RBFOX1: variants seen among roughly 807,000 people sequenced by gnomAD.
RBFOX1 encodes RNA binding fox-1 homolog 1, also known as RNA binding protein fox-1 homolog 1.
Under a neutral mutation model 57.7 loss-of-function variants are expected in RBFOX1, and 8 were observed. The observed-to-expected ratio is 0.14, with a 90% confidence interval of 0.08 to 0.25. The LOEUF (loss-of-function observed/expected upper bound fraction) is 0.25, where lower values mean the gene tolerates loss of function less well. RBFOX1 is among the 10% of genes least tolerant of loss of function. RBFOX1 has a pLI of 1.00. For missense variants in RBFOX1, 611 were observed against 548.5 expected (o/e 1.11, Z -1.14); for synonymous variants, 326 against 222.4 (o/e 1.47, Z -4.15).
At chr16:7,348,555 A>G (rs17143479) in intron 4 of RBFOX1, among the ~76,000 whole-genome samples, 29,695 of 152,230 alleles carry the variant, frequency 0.2, 3,103 homozygotes, top group African/African-American at 0.25. Context: ...CTAAGTAAAT[A>G]GATCACCAAA....
At chr16:6,064,119 C>G (rs1048219418) in intron 1 of RBFOX1, among the ~76,000 whole-genome samples, 1 of 152,120 alleles carries the variant, frequency 6.6e-6, no homozygotes, top group Non-Finnish European at 1.5e-5. Context: ...TAATAACAAG[C>G]TCCTTACTAC....
chr16:6,379,570 G>A (rs1390703089), intron 2 of RBFOX1, among the ~76,000 whole-genome samples: 1 of 151,976 alleles, frequency 6.6e-6, no homozygotes, highest in Non-Finnish European at 1.5e-5. Flanking sequence ...GGTAGTGTTG[G>A]GTAATGTATG....
chr16:5,270,227 G>T (rs1158938493), intron 1 of RBFOX1: 4 of 515,606 alleles, frequency 7.8e-6, no homozygotes, highest in Non-Finnish European at 1.4e-5. Flanking sequence ...AGGGAGTTAA[G>T]AAGAAAATAC....
chr16:6,402,102 A>C (rs200212476), intron 2 of RBFOX1, among the ~76,000 whole-genome samples: 1 of 152,070 alleles, frequency 6.6e-6, no homozygotes, highest in East Asian at 1.9e-4. Flanking sequence ...CAGAAAAAAA[A>C]AAAAAAGCAT....
At position 5,563,618 on chromosome 16, in the gene RBFOX1, C is replaced by G. The variant is rs578018172; in HGVS notation, c.259-35284C>G. On this transcript the variant is annotated intron_variant, in intron 2 of 2. Coordinates refer to the RBFOX1 transcript ENST00000585867. ...CTTGATTCTTTCAATAAGTAGTTGA[C>G]CAGCCCTGAAATCCTGCCTTATAAT... Among the ~76,000 whole-genome samples the G allele has an allele frequency of 2.6e-5, 4 of 152,250 alleles. No individual in the cohort carries two copies. In the South Asian group the frequency reaches 8.3e-4, roughly 32 times the overall value.
intron 4 of RBFOX1, among the ~76,000 whole-genome samples, chr16:5,879,352 G>C (rs915380589): frequency 1.1e-4 from 17 of 152,188 alleles, no homozygotes; most frequent in African/African-American, 3.9e-4. Context: ...TTGCAAATGG[G>C]TTGTGTGCTC....
chr16:6,886,026 A>G (rs2063935754), intron 3 of RBFOX1, among the ~76,000 whole-genome samples: 1 of 152,020 alleles, frequency 6.6e-6, no homozygotes, highest in Non-Finnish European at 1.5e-5. Context: ...TTCATGCATC[A>G]AGGATACTGT....
At chr16:5,264,295 G>T (rs1041532539) in intron 1 of RBFOX1, among the ~76,000 whole-genome samples, 4 of 152,136 alleles carry the variant, frequency 2.6e-5, no homozygotes, top group Admixed American at 2.6e-4. Context: ...GGGATGTGAG[G>T]ATGCTGCAGT....
chr16:6,483,084 G>C, intron 2 of RBFOX1: 1 of 981,520 alleles, frequency 1.0e-6, no homozygotes, highest in Non-Finnish European at 1.2e-6. Flanking sequence ...AAGTGCCTCC[G>C]ACCCGTAGGG....
intron 1 of RBFOX1, among the ~76,000 whole-genome samples, chr16:6,164,217 T>C (rs1271784488): frequency 6.6e-6 from 1 of 152,176 alleles, no homozygotes; most frequent in Admixed American, 6.5e-5. Context: ...ATATGCAAAA[T>C]CAGGCAGATA....
At chr16:6,988,631 G>C (rs1338432885) in intron 3 of RBFOX1, among the ~76,000 whole-genome samples, 2 of 151,450 alleles carry the variant, frequency 1.3e-5, no homozygotes, top group Admixed American at 6.6e-5. Flanking sequence ...GGAGTGCAGT[G>C]GTGCGATCTC....
chr16:7,185,012 A>G (rs1922589), intron 4 of RBFOX1, among the ~76,000 whole-genome samples: 39,814 of 152,104 alleles, frequency 0.26, 6,002 homozygotes, highest in East Asian at 0.46. Context: ...CCACTTTGCC[A>G]ATAAGGAAAT....
At chr16:7,280,844 C>T (rs1603482151) in intron 4 of RBFOX1, among the ~76,000 whole-genome samples, 1 of 152,082 alleles carries the variant, frequency 6.6e-6, no homozygotes, top group Admixed American at 6.5e-5. Flanking sequence ...GCAAAATCAC[C>T]CACTGCTTGA....
At chr16:7,421,397 G>A (rs1000855238) in intron 4 of RBFOX1, among the ~76,000 whole-genome samples, 1 of 152,100 alleles carries the variant, frequency 6.6e-6, no homozygotes, top group African/African-American at 2.4e-5. Context: ...TTTCCATCTA[G>A]GACTGTTTAT....
chr16:5,778,553 C>A (rs1335295702), intron 3 of RBFOX1, among the ~76,000 whole-genome samples: 1 of 152,210 alleles, frequency 6.6e-6, no homozygotes, highest in Non-Finnish European at 1.5e-5. Flanking sequence ...CTGGTTCAAC[C>A]TGCTCTGAGA....
intron 1 of RBFOX1, among the ~76,000 whole-genome samples, chr16:6,268,801 G>A (rs2074858473): frequency 6.6e-6 from 1 of 152,112 alleles, no homozygotes; most frequent in East Asian, 1.9e-4. Context: ...GAAAGATGAA[G>A]TAAACATTTT....
At chr16:5,911,445 TC>T (rs1384407117) in intron 4 of RBFOX1, among the ~76,000 whole-genome samples, 2 of 152,202 alleles carry the variant, frequency 1.3e-5, no homozygotes, top group East Asian at 3.9e-4. Flanking sequence ...TCCTAGCATT[TC>T]ACGCTTCATC....
At chr16:7,049,090 A>G (rs1034059848) in intron 3 of RBFOX1, among the ~76,000 whole-genome samples, 3 of 152,206 alleles carry the variant, frequency 2.0e-5, no homozygotes, top group African/African-American at 7.2e-5. Context: ...GTTTATAAAA[A>G]TACTGTTTGG....
intron 4 of RBFOX1, among the ~76,000 whole-genome samples, chr16:7,340,472 C>T (rs1246095713): frequency 6.6e-6 from 1 of 152,202 alleles, no homozygotes; most frequent in Non-Finnish European, 1.5e-5. Flanking sequence ...CTCCGTTGCA[C>T]TAATTACAGT....
Sources: allele counts gnomAD v4.1 joint callset (sites outside exome capture counted in the v4.1 genomes callset), GRCh38; gene constraint gnomAD v4.1.1; transcripts MANE v1.5; gene names NCBI Gene and HGNC (gene_info 2026-07-23, HGNC 2026-07-21).